ERCC6: variants seen among roughly 807,000 people sequenced by gnomAD.
The protein encoded by ERCC6 is ERCC excision repair 6, chromatin remodeling factor, also known as DNA excision repair protein ERCC-6.
In ERCC6, 116 loss-of-function variants were observed where a neutral mutation model predicts 158.7. The observed-to-expected ratio is 0.73, with a 90% CI of 0.63 to 0.85. The LOEUF is 0.85. Among genes scored for constraint, ERCC6 ranks in the 40% least tolerant of loss-of-function variants. ERCC6 has a pLI of 0.00. For missense variants in ERCC6, 1,698 were observed against 1,799.4 expected, an observed-to-expected ratio of 0.94 and a Z score of 1.02; for synonymous variants, 678 against 659.3, an observed-to-expected ratio of 1.03 and a Z score of -0.43.
intron 8 of ERCC6, among the ~76,000 whole-genome samples, chr10:49,488,578 T>C (rs778799607): frequency 1.3e-5 from 2 of 152,066 alleles, no homozygotes; most frequent in Non-Finnish European, 2.9e-5. Context: ...CATTCTATTA[T>C]AATTTGTGTA....
intron 19 of ERCC6, among the ~76,000 whole-genome samples, chr10:49,461,132 TCTC>T (rs1850574491): frequency 6.6e-6 from 1 of 152,078 alleles, no homozygotes; most frequent in South Asian, 2.1e-4. Flanking sequence ...ACCAATCACT[TCTC>T]CTGAAGCCAC....
intron 5 of ERCC6, chr10:49,517,189 C>A: frequency 3.3e-6 from 5 of 1,503,538 alleles, no homozygotes; most frequent in Non-Finnish European, 4.4e-6. Context: ...AAAAATGGAA[C>A]ATGAAAAATG....
intron 15 of ERCC6, chr10:49,472,693 C>G (rs1415189056): frequency 1.4e-6 from 1 of 738,890 alleles, no homozygotes; most frequent in East Asian, 2.7e-5. Flanking sequence ...TCTTTTTACC[C>G]CAACTCTAGG....
rs1490812719 is a variant in ERCC6 at position 49,458,932 on chromosome 10, T to A, written c.4365A>T (p.Glu1455Asp). ...ASTREILQEF[E>D]SKLSASQSCV... is the part of the protein sequence containing the mutation. ...AAGACTGTGATGCAGATAACTTGGA[T>A]TCAAACTCCTGCAGTATCTCCCTGG... Residue 1455 changes from glutamate to aspartate, a missense_variant, in exon 21 of 21, where the codon GAA becomes GAT. By Grantham distance (45) the Glu-to-Asp change is conservative (BLOSUM62 2). Transcript: ENST00000355832. The A allele has an allele frequency of 3.7e-6, 6 of 1,614,204 alleles. No individual in the cohort carries two copies. In the South Asian group the frequency reaches 6.6e-5, roughly 18 times the overall value.
chr10:49,468,647 C>T (rs1299340065), intron 18 of ERCC6, among the ~76,000 whole-genome samples: 1 of 152,124 alleles, frequency 6.6e-6, no homozygotes, highest in African/African-American at 2.4e-5. Flanking sequence ...ATGTACACAA[C>T]AAACACATAC....
chr10:49,494,197 G>A (rs775881690), intron 7 of ERCC6, among the ~76,000 whole-genome samples: 11 of 152,028 alleles, frequency 7.2e-5, no homozygotes, highest in Non-Finnish European at 1.3e-4. Flanking sequence ...GTATGATCTC[G>A]GGCACACCAT....
chr10:49,509,117 A>G (rs1851494058), intron 5 of ERCC6, among the ~76,000 whole-genome samples: 2 of 152,272 alleles, frequency 1.3e-5, no homozygotes, highest in Admixed American at 1.3e-4. Flanking sequence ...TCAGCAAGTA[A>G]CTTAACTTCA....
In ERCC6 at chr10:49,472,477, C is replaced by G. The variant is rs936714001; in HGVS notation, c.2830-7G>C. On this transcript the variant is annotated splice_region_variant and splice_polypyrimidine_tract_variant and intron_variant, in intron 15 of 20. Coordinates refer to ENST00000355832, the MANE Select transcript of ERCC6 (RefSeq NM_000124.4). ...TCCATGCTCGCTCCCGGGCCTGCAA[C>G]AGAGAGAGAGAGACCTCTCAACGAG... The G allele has an allele frequency of 1.9e-6, 3 of 1,610,958 alleles. No homozygotes were observed. Among genetic ancestry groups the G allele is most frequent in the Non-Finnish European group, 1.7e-6 (2 of 1,177,874 alleles).
intron 10 of ERCC6, among the ~76,000 whole-genome samples, chr10:49,479,085 CAT>C (rs928066692): frequency 2.0e-5 from 3 of 151,204 alleles, no homozygotes; most frequent in Admixed American, 2.0e-4. Context: ...AGCACGGCCA[CAT>C]GAGATGAGTA....
At chr10:49,476,696 C>G (rs752345184) in intron 11 of ERCC6, among the ~76,000 whole-genome samples, 17 of 152,152 alleles carry the variant, frequency 1.1e-4, no homozygotes, top group Non-Finnish European at 2.2e-4. Flanking sequence ...TCACCTGGAG[C>G]TCTCCCTCTC....
Position 49,511,427 on chromosome 10 carries a change from CTT to C in ERCC6, c.1398-5417_1398-5416del, listed in dbSNP as rs66834567. Among the ~76,000 whole-genome samples, 443 of 133,374 alleles carry C rather than the reference CTT, an allele frequency of 3.3e-3. 1 individual carries two copies. Among genetic ancestry groups the C allele is most frequent in the Middle Eastern group, 7.9e-3 (2 of 252 alleles). The allele number at this position is 133,374 out of a possible 152,430, so 87.5% of individuals were successfully genotyped here. ...AGTGTGTTGTTCATCTTCTTTTTTA[CTT>C]TTTTTTTTTTTTTGAGACAAAGTCT... On this transcript the variant is annotated intron_variant, in intron 5 of 20. Coordinates refer to ENST00000355832, the MANE Select transcript of ERCC6 (RefSeq NM_000124.4).
At chr10:49,460,249 A>G in intron 20 of ERCC6, 124 bp downstream of exon 20, 1 of 741,386 alleles carries the variant, frequency 1.3e-6, no homozygotes, top group Non-Finnish European at 2.5e-6. Flanking sequence ...AGCGTGCAAC[A>G]CAAATATCAG....
At chr10:49,484,833 A>G (rs894408596) in intron 8 of ERCC6, among the ~76,000 whole-genome samples, 3 of 152,264 alleles carry the variant, frequency 2.0e-5, no homozygotes, top group Non-Finnish European at 4.4e-5. Context: ...CAGAGGAAAA[A>G]GACTACCTGC....
the ERCC6 span, among the ~76,000 whole-genome samples, chr10:49,446,408 G>A: frequency 2.0e-5 from 3 of 152,108 alleles, no homozygotes; most frequent in African/African-American, 7.2e-5. Flanking sequence ...TAAGAAAAAA[G>A]CATTGTAAGA....
Position 49,530,752 on chromosome 10 carries a change from G to A in ERCC6, c.511C>T (p.Leu171=). 1 of 1,613,666 alleles carries A rather than the reference G, an allele frequency of 6.2e-7. No homozygotes were observed. The highest frequency in any genetic ancestry group is 8.5e-7 in the Non-Finnish European group (1 of 1,179,850). ...AATSRDINRK[L]DSVKRQKYNK... ...TACTTCTGTCGTTTTACAGAATCTA[G>A]TTTCCTGTTGATGTCTCTGCTGGTG... Residue 171 remains leucine, a synonymous_variant, in exon 3 of 21, where the codon CTA becomes TTA. Transcript: ENST00000355832.
At chr10:49,453,785 A>C (rs1850447442), downstream of ERCC6, among the ~76,000 whole-genome samples, 1 of 151,976 alleles carries the variant, frequency 6.6e-6, no homozygotes, top group Admixed American at 6.6e-5. Flanking sequence ...TTTTTCTTCA[A>C]GCACTTTGAC....
chr10:49,483,642 T>C, intron 8 of ERCC6, 126 bp from the exon 9 acceptor site: 2 of 931,636 alleles, frequency 2.1e-6, no homozygotes, highest in Non-Finnish European at 3.4e-6. Context: ...ATCACAGACA[T>C]TATCAGCACT....
Position 49,474,268 on chromosome 10 carries a change from A to C in ERCC6, c.2383-26T>G, listed in dbSNP as rs778864478. The stretch of plus-strand genomic sequence containing the variant: ...CTGTGGTAAGAAAGAGTACATGTAC[A>C]CTCAGATGACCCCATGTAAAGTAAG... On this transcript the variant is annotated intron_variant, in intron 12 of 20. Coordinates refer to ENST00000355832, the MANE Select transcript of ERCC6 (RefSeq NM_000124.4). 2.6e-6 allele frequency: 4 copies of C among 1,560,344 alleles called. No individual in the cohort carries two copies. The South Asian group carries it at 4.4e-5, about 17-fold the overall frequency.
chr10:49,461,374 A>C lies in ERCC6; in HGVS notation c.3961T>G (p.Ser1321Ala). 6.2e-7 allele frequency: 1 copy of C among 1,613,556 alleles called. No homozygotes were observed. Reference sequence around the variant, plus strand: ...TACTTTTTTCCTGCTGGTGCACCAGAAATCCCCCTGTGGCCAGTCCAGGTG... The same window carrying C: ...TACTTTTTTCCTGCTGGTGCACCAGCAATCCCCCTGTGGCCAGTCCAGGTG... ...VPTWTGHRGISGAPAGKKSRF... is the reference protein window; with the variant it reads ...VPTWTGHRGIAGAPAGKKSRF... The change falls in exon 19 of 21, where the codon TCT becomes GCT. Residue 1321 changes from serine to alanine, a missense_variant. Ser to Ala is a moderately conservative substitution (Grantham distance 99, BLOSUM62 1). Coordinates refer to ENST00000355832, the MANE Select transcript of ERCC6 (RefSeq NM_000124.4).
Sources: gnomAD v4.1 joint callset for allele counts (sites outside exome capture counted in the v4.1 genomes callset) on GRCh38, gnomAD v4.1.1 for gene constraint, MANE v1.5 for transcripts, NCBI Gene and HGNC (gene_info 2026-07-23, HGNC 2026-07-21) for gene names.